MAPK10: variants seen among roughly 807,000 people sequenced by gnomAD.
MAPK10 encodes the protein mitogen-activated protein kinase 10, also known as JNK3 alpha protein kinase.
A neutral mutation model predicts 59.3 loss-of-function variants in MAPK10; 25 were observed. The observed-to-expected ratio is 0.42, with a 90% CI of 0.31 to 0.59. MAPK10 has a LOEUF of 0.59. Ranked by LOEUF, MAPK10 falls within the 20% of genes least tolerant of loss-of-function variation. The probability of loss-of-function intolerance (pLI) is 0.15; values close to 1 mark genes in which losing one functional copy is unlikely to be tolerated. For missense variants in MAPK10, 351 were observed against 568.9 expected (o/e 0.62, Z 3.90); for synonymous variants, 190 against 200.5 (o/e 0.95, Z 0.44).
At chr4:86,146,895 A>G (rs940192685) in intron 4 of MAPK10, among the ~76,000 whole-genome samples, 3 of 152,160 alleles carry the variant, frequency 2.0e-5, no homozygotes, top group African/African-American at 2.4e-5. Flanking sequence ...TATTACATCA[A>G]TCTCTTGATT....
chr4:86,329,849 T>C (rs926888392), intron 2 of MAPK10, among the ~76,000 whole-genome samples: 4 of 147,596 alleles, frequency 2.7e-5, no homozygotes, highest in African/African-American at 4.9e-5. Flanking sequence ...ATTATATTAT[T>C]TTCAAATGCT....
rs1455066524 is a variant in MAPK10 at position 86,359,889 on chromosome 4, G to GA, written c.-354dup. 2.0e-6 allele frequency: 2 copies of GA among 985,286 alleles called. No individual in the cohort carries two copies. The highest frequency in any genetic ancestry group is 1.2e-4 in the Admixed American group (2 of 16,232). 61.0% of individuals were successfully genotyped at this position (985,286 alleles called of 1,614,324 possible). A position where few individuals can be genotyped will look rare whatever the true frequency, so the allele number is the denominator to read the frequency against. ...GACAAAAAAGGAAATTTGTAAAAAT[G>GA]AAAAAAGAAAAGAAAAAGGTAAGCA... On this transcript the variant is annotated 5_prime_UTR_variant, in exon 1 of 14. An upstream open reading frame in the 5' UTR gains an earlier in-frame stop. Coordinates refer to ENST00000641462, the MANE Select transcript of MAPK10 (RefSeq NM_138982.4).
chr4:86,021,775 C>T (rs566999091), intron 13 of MAPK10, among the ~76,000 whole-genome samples: 9 of 152,356 alleles, frequency 5.9e-5, no homozygotes, highest in East Asian at 3.9e-4. Context: ...TAAGGCCCGG[C>T]GAGAAATCGA....
At chr4:86,392,779 G>A (rs958201810) in intron 1 of MAPK10, among the ~76,000 whole-genome samples, 2 of 152,224 alleles carry the variant, frequency 1.3e-5, no homozygotes, top group East Asian at 1.9e-4. Context: ...GAAAAGGAGA[G>A]GGATAAGGAG....
intron 2 of MAPK10, among the ~76,000 whole-genome samples, chr4:86,234,029 C>T (rs2091936637): frequency 6.6e-6 from 1 of 152,118 alleles, no homozygotes; most frequent in African/African-American, 2.4e-5. Flanking sequence ...GGCTTATCAA[C>T]CATAATATGT....
At chr4:86,398,602 T>A (rs540653339) in intron 1 of MAPK10, among the ~76,000 whole-genome samples, 6 of 152,320 alleles carry the variant, frequency 3.9e-5, no homozygotes, top group African/African-American at 1.4e-4. Context: ...TTATTTTTCT[T>A]AATAATTTAG....
chr4:86,404,082 G>A (rs1054563045), intron 1 of MAPK10, among the ~76,000 whole-genome samples: 8 of 152,090 alleles, frequency 5.3e-5, no homozygotes, highest in African/African-American at 1.9e-4. Context: ...GCAATTCTTA[G>A]TTGTAGACTA....
At chr4:86,342,195 G>T (rs1002057961) in intron 2 of MAPK10, among the ~76,000 whole-genome samples, 1 of 152,146 alleles carries the variant, frequency 6.6e-6, no homozygotes, top group South Asian at 2.1e-4. Context: ...GATGGAATAC[G>T]TGACCAGAAT....
chr4:86,243,787 C>G (rs114771251), intron 2 of MAPK10, among the ~76,000 whole-genome samples: 1 of 117,714 alleles, frequency 8.5e-6, no homozygotes, highest in Admixed American at 1.3e-4. Flanking sequence ...TTTAGTTTGT[C>G]GATAGCTAGC....
At chr4:86,410,774 C>T (rs1745052932) in intron 1 of MAPK10, among the ~76,000 whole-genome samples, 1 of 152,084 alleles carries the variant, frequency 6.6e-6, no homozygotes, top group Admixed American at 6.6e-5. Flanking sequence ...TTTATTGTGT[C>T]TATTTTGATT....
chr4:86,501,511 A>C (rs1455898801), intron 1 of MAPK10, among the ~76,000 whole-genome samples: 1 of 152,034 alleles, frequency 6.6e-6, no homozygotes, highest in Non-Finnish European at 1.5e-5. Context: ...TAGCAGAATG[A>C]GAATTAGGAA....
intron 1 of MAPK10, among the ~76,000 whole-genome samples, chr4:86,564,752 A>C (rs1760935036): frequency 6.6e-6 from 1 of 152,166 alleles, no homozygotes; most frequent in Admixed American, 6.5e-5. Context: ...TTTAGACCTC[A>C]AAGCTCGGAA....
Position 86,107,231 on chromosome 4 carries a change from G to T in MAPK10, c.358C>A (p.His120Asn). The change falls in exon 5 of 14, where the codon CAT becomes AAT. Residue 120 changes from histidine to asparagine, a missense_variant. Physicochemically the swap from His to Asn is moderately conservative, Grantham distance 68. Around this residue, in one of 5 missense-constraint regions of MAPK10, gnomAD observed 51 missense variants for 72.7 expected, o/e 0.70. Coordinates refer to ENST00000641462, the MANE Select transcript of MAPK10 (RefSeq NM_138982.4). ...RELVLMKCVN[H>N]KNIISLLNVF... ...AAAATAACAAAACTCACGTTTTTAT[G>T]GTTCACACACTTCATGAGGACCAGC... 6.2e-7 allele frequency: 1 copy of T among 1,611,004 alleles called. No homozygotes were observed. The highest frequency in any genetic ancestry group is 1.3e-5 in the African/African-American group (1 of 74,784).
intron 4 of MAPK10, among the ~76,000 whole-genome samples, chr4:86,128,325 T>C (rs1023422177): frequency 6.6e-6 from 1 of 152,128 alleles, no homozygotes; most frequent in Non-Finnish European, 1.5e-5. Flanking sequence ...TCATCTTGAA[T>C]TGTAGTTCCC....
At chr4:86,243,753 G>C (rs2092905559) in intron 2 of MAPK10, among the ~76,000 whole-genome samples, 1 of 111,172 alleles carries the variant, frequency 9.0e-6, no homozygotes. Flanking sequence ...CCCAATCCTA[G>C]TAGTCTGAAT....
intron 9 of MAPK10, among the ~76,000 whole-genome samples, chr4:86,097,697 A>G (rs1262241782): frequency 1.3e-5 from 2 of 151,994 alleles, no homozygotes; most frequent in African/African-American, 4.8e-5. Context: ...TGTAAACTTT[A>G]TTGTCTATAT....
chr4:86,494,676 T>C (rs1473440442), intron 1 of MAPK10, among the ~76,000 whole-genome samples: 2 of 151,496 alleles, frequency 1.3e-5, no homozygotes, highest in Non-Finnish European at 2.9e-5. Flanking sequence ...ACCCCGTCTC[T>C]ACTGAAAATA....
At position 86,543,033 on chromosome 4, in the gene MAPK10, G is replaced by T. The variant is rs113368122; in HGVS notation, c.-263+50877C>A. 1.8e-3 allele frequency among the ~76,000 whole-genome samples: 276 copies of T among 152,264 alleles called. 4 individuals carry two copies. Among genetic ancestry groups the T allele is most frequent in the African/African-American group, 5.8e-3 (240 of 41,544 alleles). ...ATCAGAGCCTCAGAGGGCAAGGAAG[G>T]TTCACGTATAGAGGGAACCAGTGAA... On this transcript the variant is annotated intron_variant, in intron 1 of 4. Coordinates refer to the MAPK10 transcript ENST00000502302.
chr4:86,130,520 G>A (rs1018907108), intron 4 of MAPK10, among the ~76,000 whole-genome samples: 1 of 152,072 alleles, frequency 6.6e-6, no homozygotes, highest in Non-Finnish European at 1.5e-5. Flanking sequence ...GAGAATAATT[G>A]CTAGATAAAT....
Sources: gnomAD v4.1 joint callset for allele counts (sites outside exome capture counted in the v4.1 genomes callset) on GRCh38, gnomAD v4.1.1 for gene constraint, gnomAD v4.1.1 regional missense constraint, MANE v1.5 for transcripts, NCBI Gene and HGNC (gene_info 2026-07-23, HGNC 2026-07-21) for gene names.